The following RNMT variants were observed in gnomAD, a reference collection of about 807,000 sequenced individuals.
The protein encoded by RNMT is mRNA cap guanine-N(7) methyltransferase.
RNMT carries 27 observed loss-of-function variants against 56.0 expected under a neutral mutation model. The observed-to-expected ratio is 0.48, with a 90% CI of 0.36 to 0.67. The LOEUF (loss-of-function observed/expected upper bound fraction) is 0.67. Ranked by LOEUF, RNMT falls within the 30% of genes least tolerant of loss-of-function variation. The pLI, the probability that RNMT is intolerant of heterozygous loss-of-function variation, is 0.00. For missense variants in RNMT, 519 were observed against 552.1 expected (o/e 0.94, Z 0.60); for synonymous variants, 184 against 176.2 (o/e 1.04, Z -0.35).
At chr18:13,736,056 C>G (rs1042528600) in intron 4 of RNMT, among the ~76,000 whole-genome samples, 1 of 152,102 alleles carries the variant, frequency 6.6e-6, no homozygotes, top group Non-Finnish European at 1.5e-5. Flanking sequence ...TTTCCTCTCT[C>G]GTTAGTCTTA....
In RNMT at chr18:13,764,252, C is replaced by T. The variant is rs542436299; in HGVS notation, c.*4273C>T. The stretch of plus-strand genomic sequence containing the variant: ...TTTTATTAAAGTGTAACTATAGAAA[C>T]ACATCAATGATTTTTCACAAGTGGA... On this transcript the variant is annotated 3_prime_UTR_variant, in exon 12 of 12. Coordinates refer to ENST00000383314, the MANE Select transcript of RNMT (RefSeq NM_003799.3). The T allele has an allele frequency of 4.6e-5, 7 of 152,216 alleles. No homozygotes were observed. The South Asian group carries it at 1.5e-3, about 32-fold the overall frequency. The allele number at this position is 152,216 out of a possible 1,614,324, so 9.4% of individuals were successfully genotyped here.
intron 4 of RNMT, 131 bp downstream of exon 4, chr18:13,734,730 G>T: frequency 1.3e-6 from 1 of 753,726 alleles, no homozygotes; most frequent in East Asian, 2.8e-5. Flanking sequence ...TTGGTTGACT[G>T]TGTAAGATTT....
intron 10 of RNMT, among the ~76,000 whole-genome samples, chr18:13,753,778 GA>G (rs11410401): frequency 7.2e-5 from 10 of 138,162 alleles, no homozygotes; most frequent in East Asian, 4.1e-4. Flanking sequence ...CTCAAAAAAA[GA>G]AAAAAAAAAT....
At chr18:13,745,558 A>G (rs1423241888) in intron 8 of RNMT, among the ~76,000 whole-genome samples, 2 of 152,218 alleles carry the variant, frequency 1.3e-5, no homozygotes, top group Non-Finnish European at 2.9e-5. Flanking sequence ...GTAAAAGAGC[A>G]GTGATGTTCA....
rs1443181735 is a variant in RNMT at position 13,734,593 on chromosome 18, C to G, written c.547C>G (p.Leu183Val). 1 of 1,611,924 alleles carries G rather than the reference C, an allele frequency of 6.2e-7. No individual in the cohort carries two copies. The highest frequency in any genetic ancestry group is 1.1e-5 in the South Asian group (1 of 90,742). Residue 183 changes from leucine to valine, a missense_variant, in exon 4 of 12, where the codon CTC becomes GTC. Leu to Val is a conservative substitution (Grantham distance 32). Transcript: ENST00000383314. ...CTTTAATAATTGGATGAAAAGTGTT[C>G]TCATTGGTATGATCCAACACCAAGC... Reference protein sequence around the residue: ...RNFNNWMKSVLIGEFLEKVRQ... With the variant: ...RNFNNWMKSVVIGEFLEKVRQ...
intron 1 of RNMT, among the ~76,000 whole-genome samples, chr18:13,728,984 C>A (rs1387286654): frequency 2.6e-5 from 4 of 152,086 alleles, no homozygotes; most frequent in Non-Finnish European, 1.5e-5. Flanking sequence ...TTGATGTAAT[C>A]CCATTTGTCT....
At position 13,761,863 on chromosome 18, in the gene RNMT, A is replaced by ACCCCC; in HGVS notation, c.*1884_*1885insCCCCC. 1 of 334,476 alleles carries ACCCCC rather than the reference A, an allele frequency of 3.0e-6. No individual in the cohort carries two copies. 20.7% of individuals were successfully genotyped at this position (334,476 alleles called of 1,614,324 possible). A position where few individuals can be genotyped will look rare whatever the true frequency, so the allele number is the denominator to read the frequency against. ...CCTACACCCCCCTCCCCCCGGCCCC[A>ACCCCC]AGCCCCTGTGTCTCCTTGTTACAAT... On this transcript the variant is annotated 3_prime_UTR_variant, in exon 12 of 12. Coordinates refer to ENST00000383314, the MANE Select transcript of RNMT (RefSeq NM_003799.3).
rs911942319 is a variant in RNMT at position 13,746,297 on chromosome 18, A to G, written c.1217A>G (p.Asn406Ser). 6.4e-7 allele frequency: 1 copy of G among 1,572,164 alleles called. No homozygotes were observed. Among genetic ancestry groups the G allele is most frequent in the South Asian group, 1.1e-5 (1 of 88,048 alleles). ...LEFYEEKIKN[N>S]ENKMLLKRMQ... is the part of the protein sequence containing the mutation. The stretch of plus-strand genomic sequence containing the variant: ...TTCTACGAAGAAAAGATTAAGAACA[A>G]TGAAAATAAAATGCTCTTAAAACGA... Residue 406 changes from asparagine to serine, a missense_variant, in exon 9 of 12, where the codon AAT (asparagine) becomes AGT (serine). Transcript: ENST00000383314.
rs1386706033 is a variant in RNMT, at chr18:13,760,921, GT to G, written c.*943del. On this transcript the variant is annotated 3_prime_UTR_variant, in exon 12 of 12. Coordinates refer to ENST00000383314, the MANE Select transcript of RNMT (RefSeq NM_003799.3). ...GGAGCCATTGTTAAAGTTGTCACTT[GT>G]GTAACTGACTGCTTTTCCAAAACTG... 1.7e-5 allele frequency: 17 copies of G among 985,322 alleles called. No individual in the cohort carries two copies. Among genetic ancestry groups the G allele is most frequent in the Non-Finnish European group, 1.9e-5 (16 of 829,934 alleles). 61.0% of individuals were successfully genotyped at this position (985,322 alleles called of 1,614,324 possible).
At chr18:13,759,177 A>C (rs1320961437) in intron 11 of RNMT, among the ~76,000 whole-genome samples, 1 of 152,208 alleles carries the variant, frequency 6.6e-6, no homozygotes, top group Admixed American at 6.5e-5. Flanking sequence ...CGAAGCGAGC[A>C]TGTGCTGTTG....
chr18:13,732,620 A>G (rs1164187108), intron 3 of RNMT, among the ~76,000 whole-genome samples: 1 of 152,164 alleles, frequency 6.6e-6, no homozygotes, highest in Admixed American at 6.5e-5. Flanking sequence ...CTGGAGTTAG[A>G]GGAAAAGATT....
rs2044641888 is a variant in RNMT at position 13,763,331 on chromosome 18, C to T, written c.*3352C>T. 16 of 350,526 alleles carry T rather than the reference C, an allele frequency of 4.6e-5. No homozygotes were observed. Among genetic ancestry groups the T allele is most frequent in the South Asian group, 3.5e-4 (16 of 45,214 alleles). The allele number at this position is 350,526 out of a possible 1,614,324, so 21.7% of individuals were successfully genotyped here. A position where few individuals can be genotyped will look rare whatever the true frequency, so the allele number is the denominator to read the frequency against. ...GATCCCAGGGCACTGTCAGTTCTTC[C>T]CTCCCTCTCGTGCTGCTCAGTTTGT... On this transcript the variant is annotated 3_prime_UTR_variant, in exon 12 of 12. Transcript: ENST00000383314.
intron 1 of RNMT, among the ~76,000 whole-genome samples, chr18:13,728,871 C>T (rs2044021187): frequency 6.6e-6 from 1 of 151,922 alleles, no homozygotes; most frequent in African/African-American, 2.4e-5. Flanking sequence ...TTCTGTATTC[C>T]GGTTGTGAAT....
At chr18:13,731,036 A>G (rs1304926639) in intron 2 of RNMT, among the ~76,000 whole-genome samples, 3 of 152,244 alleles carry the variant, frequency 2.0e-5, no homozygotes, top group Non-Finnish European at 2.9e-5. Context: ...AAATTCATAC[A>G]TAGTATCAGT....
At position 13,762,413 on chromosome 18, in the gene RNMT, C is replaced by T; in HGVS notation, c.*2434C>T. 1 of 431,338 alleles carries T rather than the reference C, an allele frequency of 2.3e-6. No homozygotes were observed. Among genetic ancestry groups the T allele is most frequent in the Non-Finnish European group, 4.2e-6 (1 of 238,682 alleles). The allele number at this position is 431,338 out of a possible 1,614,324, so 26.7% of individuals were successfully genotyped here. ...AAGTATTGCAATTCTGTGAGAGTGA[C>T]TCTGCAGAGTCACTGCACCATCAGG... On this transcript the variant is annotated 3_prime_UTR_variant, in exon 12 of 12. Transcript: ENST00000383314.
chr18:13,761,133 TA>T lies in RNMT; in HGVS notation c.*1155del. ...ATTCACAATACTTGTTTTAAAAACATAGTGTCTTCATTAGTGTGCATCTATT... is the reference window on the plus strand; with the variant it reads ...ATTCACAATACTTGTTTTAAAAACATGTGTCTTCATTAGTGTGCATCTATT... On this transcript the variant is annotated 3_prime_UTR_variant, in exon 12 of 12. Coordinates refer to ENST00000383314, the MANE Select transcript of RNMT (RefSeq NM_003799.3). The T allele has an allele frequency of 9.1e-6, 9 of 985,420 alleles. No homozygotes were observed. The highest frequency in any genetic ancestry group is 1.1e-5 in the Non-Finnish European group (9 of 829,878). 61.0% of individuals were successfully genotyped at this position (985,420 alleles called of 1,614,324 possible). A position where few individuals can be genotyped will look rare whatever the true frequency, so the allele number is the denominator to read the frequency against.
In RNMT at chr18:13,731,956, T is replaced by G. The variant is rs200261123; in HGVS notation, c.417+22T>G. On this transcript the variant is annotated intron_variant, in intron 3 of 11. Coordinates refer to ENST00000383314, the MANE Select transcript of RNMT (RefSeq NM_003799.3). ...GAAAGTATGTTCAGTGTATTTTCAT[T>G]TATTCATAATAGAATATGTAAGTTT... 4.1e-5 allele frequency: 63 copies of G among 1,544,882 alleles called. No homozygotes were observed. The East Asian group carries it at 1.3e-3, about 33-fold the overall frequency.
chr18:13,744,187 A>ATTTTTTTTTTTTTTTTTTT (rs2044311502), intron 8 of RNMT, among the ~76,000 whole-genome samples: 1 of 39,580 alleles, frequency 2.5e-5, no homozygotes, highest in Non-Finnish European at 5.9e-5. Context: ...TTTTTTTTTG[A>ATTTTTTTTTTTTTTTTTTT]CTTAAATTGC....
At position 13,760,787 on chromosome 18, in the gene RNMT, T is replaced by TCC. The variant is rs1256751131; in HGVS notation, c.*808_*809insCC. ...GACATGTTGCACATTTTTTCCAAATTTATACATGGAACTGCAGTAGGAATA... is the reference window on the plus strand; with the variant it reads ...GACATGTTGCACATTTTTTCCAAATTCCTATACATGGAACTGCAGTAGGAATA... On this transcript the variant is annotated 3_prime_UTR_variant, in exon 12 of 12. Coordinates refer to ENST00000383314, the MANE Select transcript of RNMT (RefSeq NM_003799.3). 3 of 985,322 alleles carry TCC rather than the reference T, an allele frequency of 3.0e-6. No individual in the cohort carries two copies. The African/African-American group carries it at 5.2e-5, about 17-fold the overall frequency. The allele number at this position is 985,322 out of a possible 1,614,324, so 61.0% of individuals were successfully genotyped here. A position where few individuals can be genotyped will look rare whatever the true frequency, so the allele number is the denominator to read the frequency against.
Sources: allele counts gnomAD v4.1 joint callset (sites outside exome capture counted in the v4.1 genomes callset), GRCh38; gene constraint gnomAD v4.1.1; transcripts MANE v1.5; gene names NCBI Gene and HGNC (gene_info 2026-07-23, HGNC 2026-07-21).